The following ADGRL4 variants were observed in gnomAD, a reference collection of about 807,000 sequenced individuals.
ADGRL4 encodes the protein EGF, latrophilin and seven transmembrane domain containing 1.
Under a neutral mutation model 74.8 loss-of-function variants are expected in ADGRL4, and 90 were observed. The observed-to-expected ratio is 1.20, with a 90% CI of 1.02 to 1.43. The LOEUF is 1.43. Ranked by LOEUF, ADGRL4 falls within the 40% of genes most tolerant of loss-of-function variation. ADGRL4 has a pLI of 0.00. For missense variants in ADGRL4, 881 were observed against 814.3 expected (o/e 1.08, Z -1.00); for synonymous variants, 311 against 279.2 (o/e 1.11, Z -1.14).
rs139895183 is a variant in ADGRL4, at chr1:78,940,781, C to G, written c.326-1523G>C. Among the ~76,000 whole-genome samples, 58 of 152,260 alleles carry G rather than the reference C, an allele frequency of 3.8e-4. 1 individual carries two copies. The East Asian group carries it at 0.01, about 27-fold the overall frequency. ...ACCAAAGTCTAATTTAAAATGTCAT[C>G]TAGCTAGTTATCTTAAATGCAGGTG... On this transcript the variant is annotated intron_variant, in intron 3 of 14. Coordinates refer to ENST00000370742, the MANE Select transcript of ADGRL4 (RefSeq NM_022159.4).
intron 2 of ADGRL4, among the ~76,000 whole-genome samples, chr1:78,979,449 T>C (rs1211430141): frequency 6.6e-6 from 1 of 151,956 alleles, no homozygotes; most frequent in Non-Finnish European, 1.5e-5. Context: ...TTAAACGTAT[T>C]GCTTCTGACA....
At chr1:78,908,444 CT>C (rs1648689655) in intron 12 of ADGRL4, among the ~76,000 whole-genome samples, 1 of 151,912 alleles carries the variant, frequency 6.6e-6, no homozygotes, top group South Asian at 2.1e-4. Context: ...AGCAGAACCC[CT>C]GTAGGTATTT....
chr1:78,987,979 T>G (rs1452566973), intron 2 of ADGRL4, among the ~76,000 whole-genome samples: 3 of 136,112 alleles, frequency 2.2e-5, no homozygotes, highest in Non-Finnish European at 3.2e-5. Flanking sequence ...TATTTAAATT[T>G]TTAAAATAGC....
In ADGRL4 at chr1:78,985,471, AT is replaced by A. The variant is rs560822565; in HGVS notation, c.172+19598del. Among the ~76,000 whole-genome samples, 37 of 151,920 alleles carry A rather than the reference AT, an allele frequency of 2.4e-4. No individual in the cohort carries two copies. In the South Asian group the frequency reaches 7.5e-3, roughly 31 times the overall value. Reference sequence around the variant, plus strand: ...AACAAAAGCATAGAGTTTATTACTTATTTGATCAATTTAAGAATAGTATGTT... The same window carrying A: ...AACAAAAGCATAGAGTTTATTACTTATTGATCAATTTAAGAATAGTATGTT... On this transcript the variant is annotated intron_variant, in intron 2 of 14. Transcript: ENST00000370742.
intron 9 of ADGRL4, among the ~76,000 whole-genome samples, chr1:78,920,919 T>G (rs1407378715): frequency 6.6e-6 from 1 of 151,878 alleles, no homozygotes; most frequent in Admixed American, 6.6e-5. Context: ...ACGGAATAGA[T>G]GTTTATTTGC....
chr1:78,990,609 A>T (rs1300544579), intron 2 of ADGRL4, among the ~76,000 whole-genome samples: 5 of 151,836 alleles, frequency 3.3e-5, no homozygotes, highest in African/African-American at 9.7e-5. Context: ...TTTACTGAAA[A>T]TTTTTTTAAT....
At chr1:78,943,067 C>A (rs970174461) in intron 3 of ADGRL4, among the ~76,000 whole-genome samples, 1 of 151,766 alleles carries the variant, frequency 6.6e-6, no homozygotes, top group African/African-American at 2.4e-5. Context: ...TAATTATGAT[C>A]AATAATACAG....
intron 8 of ADGRL4, among the ~76,000 whole-genome samples, chr1:78,925,468 A>T (rs1016174998): frequency 6.6e-6 from 1 of 152,032 alleles, no homozygotes; most frequent in Non-Finnish European, 1.5e-5. Context: ...CTTCTGAGGT[A>T]CTGTAGAATT....
intron 2 of ADGRL4, among the ~76,000 whole-genome samples, chr1:78,968,597 A>T (rs895800059): frequency 2.6e-5 from 4 of 152,028 alleles, no homozygotes; most frequent in African/African-American, 9.7e-5. Flanking sequence ...TATACTGAAT[A>T]AATGCAAACT....
At chr1:78,989,082 T>A (rs569931337) in intron 2 of ADGRL4, among the ~76,000 whole-genome samples, 1 of 151,880 alleles carries the variant, frequency 6.6e-6, no homozygotes, top group South Asian at 2.1e-4. Flanking sequence ...TATTTAAAAT[T>A]TTATAATATA....
intron 3 of ADGRL4, among the ~76,000 whole-genome samples, chr1:78,945,194 A>C (rs866646588): frequency 6.7e-6 from 1 of 148,212 alleles, no homozygotes; most frequent in South Asian, 2.1e-4. Flanking sequence ...ATATATATAT[A>C]TATCTCAATA....
At position 78,896,605 on chromosome 1, in the gene ADGRL4, C is replaced by A. The variant is rs201383008; in HGVS notation, c.1750-3416G>T. Among the ~76,000 whole-genome samples the A allele has an allele frequency of 3.9e-5, 6 of 152,132 alleles. No homozygotes were observed. In the East Asian group the frequency reaches 7.7e-4, roughly 20 times the overall value. On this transcript the variant is annotated intron_variant, in intron 12 of 14. Transcript: ENST00000370742. ...CATTTCCACAGACACTATCCTGAAACGGGCCACCATCATGCCTCCTCTGTG... is the reference window on the plus strand; with the variant it reads ...CATTTCCACAGACACTATCCTGAAAAGGGCCACCATCATGCCTCCTCTGTG...
At chr1:78,962,235 C>A (rs1649968444) in intron 2 of ADGRL4, among the ~76,000 whole-genome samples, 1 of 152,144 alleles carries the variant, frequency 6.6e-6, no homozygotes, top group African/African-American at 2.4e-5. Flanking sequence ...CCTCAGTTTG[C>A]AGTCTTTTGT....
intron 2 of ADGRL4, among the ~76,000 whole-genome samples, chr1:78,960,489 C>T (rs75491480): frequency 0.039 from 5,927 of 152,210 alleles, 152 homozygotes; most frequent in Middle Eastern, 0.058. Flanking sequence ...ACATAATTAT[C>T]CTGTGTCTCA....
Position 78,901,001 on chromosome 1 carries a change from T to C in ADGRL4, c.1750-7812A>G, listed in dbSNP as rs368595262. On this transcript the variant is annotated intron_variant, in intron 12 of 14. Coordinates refer to ENST00000370742, the MANE Select transcript of ADGRL4 (RefSeq NM_022159.4). ...GATTTAAAATCCAGTTTAAAATAAA[T>C]ACTAATTTATAGAACCTACCATATT... 3.9e-5 allele frequency among the ~76,000 whole-genome samples: 6 copies of C among 152,146 alleles called. 1 individual carries two copies. The highest frequency in any genetic ancestry group is 1.5e-5 in the Non-Finnish European group (1 of 67,984).
intron 7 of ADGRL4, among the ~76,000 whole-genome samples, chr1:78,929,528 T>C (rs1266285316): frequency 6.6e-6 from 1 of 151,216 alleles, no homozygotes; most frequent in Non-Finnish European, 1.5e-5. Context: ...AAAAGAAAAA[T>C]AAAATCCACT....
chr1:78,964,825 G>T (rs1195424146), intron 2 of ADGRL4, among the ~76,000 whole-genome samples: 1 of 152,042 alleles, frequency 6.6e-6, no homozygotes, highest in Non-Finnish European at 1.5e-5. Flanking sequence ...TTCTGTTATG[G>T]TATCAAAGTT....
chr1:78,891,822 A>G, intron 13 of ADGRL4, 130 bp from the exon 14 acceptor site: 1 of 726,882 alleles, frequency 1.4e-6, no homozygotes, highest in Non-Finnish European at 2.1e-6. Context: ...GACCCAATAG[A>G]ATTTCCAAAC....
At chr1:78,903,076 C>T (rs1236188101) in intron 12 of ADGRL4, among the ~76,000 whole-genome samples, 1 of 152,124 alleles carries the variant, frequency 6.6e-6, no homozygotes, top group East Asian at 1.9e-4. Context: ...AACTTTAATA[C>T]TTAAAATATG....
Sources: gnomAD v4.1 joint callset for allele counts (sites outside exome capture counted in the v4.1 genomes callset) on GRCh38, gnomAD v4.1.1 for gene constraint, MANE v1.5 for transcripts, NCBI Gene and HGNC (gene_info 2026-07-23, HGNC 2026-07-21) for gene names.